Variants in SLC40A1 observed in about 807,000 individuals in gnomAD.
SLC40A1 encodes solute carrier family 40 member 1.
SLC40A1 carries 16 observed loss-of-function variants against 53.5 expected under a neutral mutation model. The observed-to-expected ratio is 0.30, with a 90% CI of 0.20 to 0.45. The LOEUF (loss-of-function observed/expected upper bound fraction) is 0.45. Ranked by LOEUF, SLC40A1 falls within the 20% of genes least tolerant of loss-of-function variation. The pLI is 1.00. For synonymous variants in SLC40A1, 247 were observed against 253.2 expected, an observed-to-expected ratio of 0.98 and a Z score of 0.23; for missense variants, 545 against 695.4, an observed-to-expected ratio of 0.78 and a Z score of 2.43.
At chr2:189,569,713 T>C (rs975603772) in intron 5 of SLC40A1, among the ~76,000 whole-genome samples, 10 of 152,176 alleles carry the variant, frequency 6.6e-5, no homozygotes, top group Non-Finnish European at 4.4e-5. Flanking sequence ...GAGCACCACT[T>C]ACTAAAAGCT....
intron 3 of SLC40A1, among the ~76,000 whole-genome samples, chr2:189,573,652 C>T (rs954274200): frequency 3.9e-5 from 6 of 152,164 alleles, no homozygotes; most frequent in African/African-American, 7.2e-5. Flanking sequence ...ATCTCTTACG[C>T]CTGCGTCTAG....
chr2:189,579,375 C>T (rs1347802895), intron 2 of SLC40A1, among the ~76,000 whole-genome samples: 1 of 152,094 alleles, frequency 6.6e-6, no homozygotes, highest in East Asian at 1.9e-4. Flanking sequence ...GTCACTCTAC[C>T]ATTCTATTGT....
At position 189,563,869 on chromosome 2, in the gene SLC40A1, C is replaced by A; in HGVS notation, c.1117G>T (p.Gly373Cys). ...LRRKCGLVRTGLISGLAQLSC... is the reference protein window; with the variant it reads ...LRRKCGLVRTCLISGLAQLSC... ...AGCTGTGCCAATCCTGAGATCAGAC[C>A]TGTCCGAACCAAACCACATTTTCGA... Residue 373 changes from glycine to cysteine, a missense_variant, in exon 7 of 8, where the codon GGT (glycine) becomes TGT (cysteine). Physicochemically the swap from Gly to Cys is radical, Grantham distance 159 (BLOSUM62 -3). Transcript: ENST00000261024. 6.2e-7 allele frequency: 1 copy of A among 1,614,214 alleles called. No individual in the cohort carries two copies. Among genetic ancestry groups the A allele is most frequent in the Non-Finnish European group, 8.5e-7 (1 of 1,180,038 alleles).
In SLC40A1 at chr2:189,561,945, A is replaced by G; in HGVS notation, c.1649T>C (p.Leu550Pro). 6.2e-7 allele frequency: 1 copy of G among 1,614,204 alleles called. No individual in the cohort carries two copies. The highest frequency in any genetic ancestry group is 1.7e-5 in the Admixed American group (1 of 60,030). ...TTTTGCATCAGGACCGCAAGCAAAG[A>G]GCTTGTTTCCCAGAGTATTTTGGGC... ...RFAQNTLGNK[L>P]FACGPDAKEV... The change falls in exon 8 of 8, where the codon CTC becomes CCC. Residue 550 changes from leucine to proline, a missense_variant. Around this residue, in one of 4 missense-constraint regions of SLC40A1, gnomAD observed 234 missense variants for 299.0 expected, o/e 0.78. Coordinates refer to ENST00000261024, the MANE Select transcript of SLC40A1 (RefSeq NM_014585.6).
chr2:189,564,603 G>A (rs2030870103), intron 6 of SLC40A1, among the ~76,000 whole-genome samples: 1 of 152,152 alleles, frequency 6.6e-6, no homozygotes, highest in Non-Finnish European at 1.5e-5. Flanking sequence ...CACTTTGGGA[G>A]GCCGAGGCGG....
At position 189,562,066 on chromosome 2, in the gene SLC40A1, T is replaced by C; in HGVS notation, c.1528A>G (p.Met510Val). The C allele has an allele frequency of 1.2e-6, 2 of 1,614,118 alleles. No individual in the cohort carries two copies. The highest frequency in any genetic ancestry group is 1.7e-6 in the Non-Finnish European group (2 of 1,179,992). The change falls in exon 8 of 8, where the codon ATG becomes GTG. Residue 510 changes from methionine to valine, a missense_variant. This residue lies in a region of SLC40A1 where 234 missense variants were observed against 299.0 expected (regional missense o/e 0.78). Coordinates refer to ENST00000261024, the MANE Select transcript of SLC40A1 (RefSeq NM_014585.6). Reference protein sequence around the residue: ...NYLLDLLHFIMVILAPNPEAF... With the variant: ...NYLLDLLHFIVVILAPNPEAF... ...TCAGGATTTGGAGCCAGGATGACCATGATGAAATGCAGAAGATCAAGAAGA... is the reference window on the plus strand; with the variant it reads ...TCAGGATTTGGAGCCAGGATGACCACGATGAAATGCAGAAGATCAAGAAGA...
rs1417471204 is a variant in SLC40A1, at chr2:189,562,195, T to C, written c.1403-4A>G. 2.5e-6 allele frequency: 4 copies of C among 1,586,598 alleles called. No individual in the cohort carries two copies. Among genetic ancestry groups the C allele is most frequent in the Non-Finnish European group, 3.4e-6 (4 of 1,164,778 alleles). ...GTTAAATCAAAGGACCAAAGACCTA[T>C]AATAAAATATTTTTTTAAAGATTAG... On this transcript the variant is annotated splice_region_variant and splice_polypyrimidine_tract_variant and intron_variant, in intron 7 of 7. Transcript: ENST00000261024.
chr2:189,562,190 A>T lies in SLC40A1; in HGVS notation c.1404T>A (p.Gly468=). ...TCACAGTTAAATCAAAGGACCAAAGACCTATAATAAAATATTTTTTTAAAG... is the reference window on the plus strand; with the variant it reads ...TCACAGTTAAATCAAAGGACCAAAGTCCTATAATAAAATATTTTTTTAAAG... ...LFAGVIAARI[G]LWSFDLTVTQ... Residue 468 remains glycine (G), a splice_region_variant and synonymous_variant, in exon 8 of 8, where the codon GGT becomes GGA. Coordinates refer to ENST00000261024, the MANE Select transcript of SLC40A1 (RefSeq NM_014585.6). 6.3e-7 allele frequency: 1 copy of T among 1,594,490 alleles called. No individual in the cohort carries two copies. Among genetic ancestry groups the T allele is most frequent in the Non-Finnish European group, 8.6e-7 (1 of 1,169,150 alleles).
At chr2:189,580,055 A>T (rs1196583864) in intron 1 of SLC40A1, among the ~76,000 whole-genome samples, 175 bp from the exon 2 acceptor site, 1 of 152,172 alleles carries the variant, frequency 6.6e-6, no homozygotes, top group African/African-American at 2.4e-5. Flanking sequence ...TTCACTTAAT[A>T]CCATTCACTA....
chr2:189,561,800 T>G lies in SLC40A1; in HGVS notation c.*78A>C, dbSNP rs1188141487. 5.6e-6 allele frequency: 7 copies of G among 1,252,858 alleles called. No homozygotes were observed. The highest frequency in any genetic ancestry group is 8.1e-6 in the Non-Finnish European group (7 of 859,976). The allele number at this position is 1,252,858 out of a possible 1,614,324, so 77.6% of individuals were successfully genotyped here. On this transcript the variant is annotated 3_prime_UTR_variant, in exon 8 of 8. Coordinates refer to ENST00000261024, the MANE Select transcript of SLC40A1 (RefSeq NM_014585.6). Reference sequence around the variant, plus strand: ...AAAACAGAGCAAAACACCCAGCCATTTATTGGAATTCTGCAGTACAAAATA... The same window carrying G: ...AAAACAGAGCAAAACACCCAGCCATGTATTGGAATTCTGCAGTACAAAATA...
intron 5 of SLC40A1, among the ~76,000 whole-genome samples, chr2:189,568,798 T>G (rs2031032523): frequency 6.6e-6 from 1 of 152,228 alleles, no homozygotes; most frequent in Admixed American, 6.5e-5. Flanking sequence ...ACACAAAATT[T>G]ATCTGCCATA....
Position 189,561,695 on chromosome 2 carries a change from C to T in SLC40A1, c.*183G>A, listed in dbSNP as rs1024294590. The T allele has an allele frequency of 1.8e-5, 11 of 603,036 alleles. No individual in the cohort carries two copies. The highest frequency in any genetic ancestry group is 8.9e-5 in the Admixed American group (3 of 33,678). The allele number at this position is 603,036 out of a possible 1,614,324, so 37.4% of individuals were successfully genotyped here. A position where few individuals can be genotyped will look rare whatever the true frequency, so the allele number is the denominator to read the frequency against. ...TTCCAATTTTTTTTCCATGCCTCAACATAAGGGAAATTAATCAGTTAATTT... is the reference window on the plus strand; with the variant it reads ...TTCCAATTTTTTTTCCATGCCTCAATATAAGGGAAATTAATCAGTTAATTT... On this transcript the variant is annotated 3_prime_UTR_variant, in exon 8 of 8. Transcript: ENST00000261024.
chr2:189,573,082 A>G, intron 3 of SLC40A1, 121 bp from the exon 4 acceptor site: 1 of 780,180 alleles, frequency 1.3e-6, no homozygotes. Flanking sequence ...TTACCAGATA[A>G]AAAGAAAACC....
In SLC40A1 at chr2:189,561,986, A is replaced by G. The variant is rs748909961; in HGVS notation, c.1608T>C (p.Ile536=). ...TATTTTGGGCAAATCGGAAATACAT[A>G]ATGTGGCCCATTGCCACAAAGGAGA... ...ISVSFVAMGH[I]MYFRFAQNTL... Residue 536 remains isoleucine (I), a synonymous_variant, in exon 8 of 8, where the codon ATT becomes ATC. Transcript: ENST00000261024. 1.2e-6 allele frequency: 2 copies of G among 1,614,036 alleles called. No individual in the cohort carries two copies. Among genetic ancestry groups the G allele is most frequent in the Non-Finnish European group, 1.7e-6 (2 of 1,179,866 alleles).
At chr2:189,569,932 T>C (rs1376996918) in intron 5 of SLC40A1, among the ~76,000 whole-genome samples, 1 of 151,800 alleles carries the variant, frequency 6.6e-6, no homozygotes, top group African/African-American at 2.4e-5. Flanking sequence ...TTATGTGGCA[T>C]GTTTGCAGTT....
Position 189,563,623 on chromosome 2 carries a change from CAG to C in SLC40A1, c.1361_1362del (p.Ser454CysfsTer12). On this transcript the variant is annotated frameshift_variant, in exon 7 of 8. Coordinates refer to ENST00000261024, the MANE Select transcript of SLC40A1 (RefSeq NM_014585.6). LOFTEE classifies it high-confidence loss of function. Reference protein sequence around the residue: ...ETSPESVPIISVSLLFAGVIA... With the variant: ...ETSPESVPIIXVSLLFAGVIA... ...ATGACGCCTGCAAACAGCAGACTGA[CAG>C]AGATTATGGGCACAGATTCAGGACT... The C allele has an allele frequency of 1.2e-6, 2 of 1,614,144 alleles. No homozygotes were observed. Among genetic ancestry groups the C allele is most frequent in the Non-Finnish European group, 1.7e-6 (2 of 1,180,016 alleles).
chr2:189,580,138 GCA>G (rs2031409172), intron 1 of SLC40A1, among the ~76,000 whole-genome samples: 1 of 141,082 alleles, frequency 7.1e-6, no homozygotes, highest in Non-Finnish European at 1.6e-5. Flanking sequence ...TCTTGTTTCA[GCA>G]TTCTTTTTTG....
intron 5 of SLC40A1, 85 bp from the exon 6 acceptor site, chr2:189,565,684 C>A: frequency 6.4e-7 from 1 of 1,553,786 alleles, no homozygotes; most frequent in South Asian, 1.1e-5. Flanking sequence ...AGCTGTAAAC[C>A]AAGAGTATAG....
Position 189,572,655 on chromosome 2 carries a change from C to T in SLC40A1, c.387+191G>A, listed in dbSNP as rs1574243709. ...CAATAGGACAAAATTTAAATTCAAA[C>T]AATACTTAATGAGTGCCTGTTGTGG... On this transcript the variant is annotated intron_variant, in intron 4 of 7. Coordinates refer to ENST00000261024, the MANE Select transcript of SLC40A1 (RefSeq NM_014585.6). The T allele has an allele frequency of 4.9e-6, 3 of 609,254 alleles. No individual in the cohort carries two copies. In the African/African-American group the frequency reaches 5.6e-5, roughly 11 times the overall value. The allele number at this position is 609,254 out of a possible 1,614,324, so 37.7% of individuals were successfully genotyped here.
Sources: allele counts gnomAD v4.1 joint callset (sites outside exome capture counted in the v4.1 genomes callset), GRCh38; gene constraint gnomAD v4.1.1; regional missense constraint gnomAD v4.1.1; transcripts MANE v1.5; gene names NCBI Gene and HGNC (gene_info 2026-07-23, HGNC 2026-07-21).